GPC5: variants seen among roughly 807,000 people sequenced by gnomAD.
GPC5 encodes glypican 5.
A neutral mutation model predicts 53.9 loss-of-function variants in GPC5; 47 were observed. The ratio of observed to expected loss-of-function variants is 0.87; its 90% confidence interval spans 0.69 to 1.11. The LOEUF (loss-of-function observed/expected upper bound fraction) is 1.11. Ranked by LOEUF, GPC5 falls within the 50% of genes most tolerant of loss-of-function variation. The probability of loss-of-function intolerance (pLI) is 0.00; values close to 1 mark genes in which losing one functional copy is unlikely to be tolerated. For synonymous variants in GPC5, 286 were observed against 263.3 expected (o/e 1.09, Z -0.84); for missense variants, 748 against 713.1 (o/e 1.05, Z -0.56).
At chr13:91,658,876 T>A (rs1041668470) in intron 2 of GPC5, among the ~76,000 whole-genome samples, 1 of 150,040 alleles carries the variant, frequency 6.7e-6, no homozygotes, top group African/African-American at 2.5e-5. Context: ...TCTTTAGATC[T>A]CAGCTCATGA....
Position 92,385,781 on chromosome 13 carries a change from A to ACG in GPC5, c.1561+240792_1561+240793insCG, listed in dbSNP as rs1566568312. ...TATATATATACGTATATATACATAT[A>ACG]TGTATATATATACATATATACGTAT... On this transcript the variant is annotated intron_variant, in intron 7 of 7. Coordinates refer to ENST00000377067, the MANE Select transcript of GPC5 (RefSeq NM_004466.6). 7.9e-3 allele frequency among the ~76,000 whole-genome samples: 217 copies of ACG among 27,526 alleles called. 1 individual carries two copies. Among genetic ancestry groups the ACG allele is most frequent in the African/African-American group, 0.042 (200 of 4,808 alleles). The allele number at this position is 27,526 out of a possible 152,430, so 18.1% of individuals were successfully genotyped here.
At chr13:92,807,824 C>T (rs1188459064) in intron 7 of GPC5, among the ~76,000 whole-genome samples, 2 of 152,050 alleles carry the variant, frequency 1.3e-5, no homozygotes, top group East Asian at 1.9e-4. Context: ...GTGACTAACA[C>T]GCCTTTAGGT....
At chr13:92,156,517 C>T (rs912642716) in intron 7 of GPC5, among the ~76,000 whole-genome samples, 1 of 149,996 alleles carries the variant, frequency 6.7e-6, no homozygotes, top group Non-Finnish European at 1.5e-5. Flanking sequence ...GTGGTGTGCT[C>T]TCTCTCATTT....
At chr13:92,381,897 AATC>A (rs2043747893) in intron 7 of GPC5, among the ~76,000 whole-genome samples, 2 of 101,336 alleles carry the variant, frequency 2.0e-5, no homozygotes, top group Non-Finnish European at 2.0e-5. Flanking sequence ...TATTATATAT[AATC>A]ATATATATGA....
chr13:91,627,764 C>T (rs2034045603), intron 2 of GPC5, among the ~76,000 whole-genome samples: 1 of 152,030 alleles, frequency 6.6e-6, no homozygotes, highest in Non-Finnish European at 1.5e-5. Context: ...ACCAAGGACA[C>T]AATTTTCCTG....
intron 5 of GPC5, among the ~76,000 whole-genome samples, chr13:91,824,627 G>C (rs1052936874): frequency 6.6e-6 from 1 of 151,966 alleles, no homozygotes; most frequent in African/African-American, 2.4e-5. Flanking sequence ...AAGTAAAATA[G>C]AATCACATAT....
chr13:91,616,350 C>G (rs2139337694), intron 2 of GPC5, among the ~76,000 whole-genome samples: 1 of 152,050 alleles, frequency 6.6e-6, no homozygotes, highest in East Asian at 1.9e-4. Context: ...GAAACAGTAT[C>G]TATGAGGCTT....
intron 2 of GPC5, among the ~76,000 whole-genome samples, chr13:91,541,395 G>A (rs1024669750): frequency 1.3e-5 from 2 of 152,038 alleles, no homozygotes; most frequent in Admixed American, 6.5e-5. Context: ...TCTTCTGCAC[G>A]GACTTGCAGT....
chr13:92,519,622 C>T (rs534237637), intron 7 of GPC5, among the ~76,000 whole-genome samples: 62 of 152,202 alleles, frequency 4.1e-4, no homozygotes, highest in Admixed American at 9.2e-4. Context: ...GGGGCACATT[C>T]AAAGCAGTGT....
chr13:92,211,783 C>G (rs899246543), intron 7 of GPC5, among the ~76,000 whole-genome samples: 2 of 152,126 alleles, frequency 1.3e-5, no homozygotes, highest in African/African-American at 4.8e-5. Flanking sequence ...ATTAGATAGG[C>G]TCAATCTGAT....
intron 5 of GPC5, among the ~76,000 whole-genome samples, chr13:91,844,377 C>G (rs1264772997): frequency 6.6e-6 from 1 of 152,184 alleles, no homozygotes; most frequent in Non-Finnish European, 1.5e-5. Context: ...TCTGCGGAAA[C>G]TTCTAACCTT....
intron 2 of GPC5, among the ~76,000 whole-genome samples, chr13:91,504,507 A>G (rs1264881526): frequency 2.0e-5 from 3 of 152,182 alleles, no homozygotes; most frequent in Non-Finnish European, 4.4e-5. Flanking sequence ...TAAAGAATAT[A>G]GTTAGATATT....
intron 2 of GPC5, among the ~76,000 whole-genome samples, chr13:91,677,853 C>T (rs1031979138): frequency 2.6e-5 from 4 of 152,106 alleles, no homozygotes; most frequent in Non-Finnish European, 5.9e-5. Context: ...GCTAGTATCC[C>T]ATAGCAAAAA....
intron 7 of GPC5, among the ~76,000 whole-genome samples, chr13:92,203,198 T>C (rs1418683550): frequency 2.0e-5 from 3 of 151,920 alleles, no homozygotes; most frequent in Admixed American, 6.6e-5. Context: ...GTATGTTTAT[T>C]GCGGCACTAT....
At chr13:92,168,049 A>T (rs1395872335) in intron 7 of GPC5, among the ~76,000 whole-genome samples, 1 of 152,058 alleles carries the variant, frequency 6.6e-6, no homozygotes, top group Non-Finnish European at 1.5e-5. Flanking sequence ...ATTTCAACTG[A>T]CTTGCATCTC....
chr13:92,106,521 T>A (rs1326795709), intron 6 of GPC5, among the ~76,000 whole-genome samples: 1 of 152,060 alleles, frequency 6.6e-6, no homozygotes. Context: ...TATATATGAA[T>A]TGAATCATAA....
intron 6 of GPC5, among the ~76,000 whole-genome samples, chr13:92,136,130 A>G (rs1430631385): frequency 1.3e-5 from 2 of 152,168 alleles, no homozygotes; most frequent in Non-Finnish European, 2.9e-5. Flanking sequence ...GTCATGTTAT[A>G]TAAAGTCTGT....
intron 2 of GPC5, among the ~76,000 whole-genome samples, chr13:91,682,762 G>A (rs2035536899): frequency 6.6e-6 from 1 of 152,150 alleles, no homozygotes; most frequent in Non-Finnish European, 1.5e-5. Context: ...TATTTCAATT[G>A]AATCTCACAG....
At chr13:91,873,211 G>A (rs1213918068) in intron 5 of GPC5, among the ~76,000 whole-genome samples, 2 of 152,052 alleles carry the variant, frequency 1.3e-5, no homozygotes, top group Non-Finnish European at 2.9e-5. Flanking sequence ...TAGTATTTTG[G>A]TATGTTTCTT....
Sources: allele counts gnomAD v4.1 joint callset (sites outside exome capture counted in the v4.1 genomes callset), GRCh38; gene constraint gnomAD v4.1.1; transcripts MANE v1.5; gene names NCBI Gene and HGNC (gene_info 2026-07-23, HGNC 2026-07-21).